Variants in POLR1A observed in about 807,000 individuals in gnomAD.
POLR1A encodes DNA-directed RNA polymerase I subunit RPA1.
POLR1A carries 84 observed loss-of-function variants against 205.3 expected under a neutral mutation model. The ratio of observed to expected loss-of-function variants is 0.41; its 90% CI spans 0.34 to 0.49. POLR1A has a LOEUF of 0.49. Ranked by LOEUF, POLR1A falls within the 20% of genes least tolerant of loss-of-function variation. The pLI is 0.22. For missense variants in POLR1A, 1,645 were observed against 2,204.5 expected (o/e 0.75, Z 5.08); for synonymous variants, 799 against 863.7 (o/e 0.93, Z 1.31).
chr2:86,045,680 A>C lies in POLR1A; in HGVS notation c.2823T>G (p.Tyr941Ter). 1 of 1,613,482 alleles carries C rather than the reference A, an allele frequency of 6.2e-7. No homozygotes were observed. The highest frequency in any genetic ancestry group is 1.1e-5 in the South Asian group (1 of 90,996). ...AGCCACCAGCCCTGGGGGTGAACTCATAAGGCTCAAAGCAGGGCAGTGACT... is the reference window on the plus strand; with the variant it reads ...AGCCACCAGCCCTGGGGGTGAACTCCTAAGGCTCAAAGCAGGGCAGTGACT... Reference protein sequence around the residue: ...SGKSLPCFEPYEFTPRAGGFV... With the variant: ...SGKSLPCFEP The change falls in exon 20 of 34, where the codon TAT becomes TAG. Residue 941 changes from tyrosine to a stop codon, truncating the protein, a stop_gained. Coordinates refer to ENST00000263857, the MANE Select transcript of POLR1A (RefSeq NM_015425.6). LOFTEE classifies it high-confidence loss of function.
rs1250639358 is a variant in POLR1A, at chr2:86,043,342, C to G, written c.3136-147G>C. The G allele has an allele frequency of 1.7e-5, 11 of 659,288 alleles. No individual in the cohort carries two copies. The East Asian group carries it at 2.1e-4, about 12-fold the overall frequency. The allele number at this position is 659,288 out of a possible 1,614,324, so 40.8% of individuals were successfully genotyped here. On this transcript the variant is annotated intron_variant, in intron 22 of 33. Coordinates refer to ENST00000263857, the MANE Select transcript of POLR1A (RefSeq NM_015425.6). ...TCATGATGGGGCCGAGCACCACTCT[C>G]AGAGAGGCTGAGCATCCATTGTTAA... is the stretch of plus-strand genomic sequence containing the variant.
rs1673753663 is a variant in POLR1A, at chr2:86,098,680, G to A, written c.363C>T (p.Leu121=). Residue 121 remains leucine, a synonymous_variant, in exon 3 of 34, where the codon CTC becomes CTT. Coordinates refer to ENST00000263857, the MANE Select transcript of POLR1A (RefSeq NM_015425.6). ...CGACTTCCAGAACCCTCAGCTGGCA[G>A]AGTAAGAGGTGAATCACGGCCCGGG... ...TCPRAVIHLL[L]CQLRVLEVGA... 1 of 1,613,696 alleles carries A rather than the reference G, an allele frequency of 6.2e-7. No individual in the cohort carries two copies. Among genetic ancestry groups the A allele is most frequent in the Non-Finnish European group, 8.5e-7 (1 of 1,179,910 alleles).
At chr2:86,069,981 G>A (rs1350241829) in intron 13 of POLR1A, 37 bp downstream of exon 13, 9 of 1,595,486 alleles carry the variant, frequency 5.6e-6, no homozygotes, top group Non-Finnish European at 7.7e-6. Flanking sequence ...AAGTCATGCT[G>A]ACGATGACCA....
intron 14 of POLR1A, among the ~76,000 whole-genome samples, chr2:86,060,239 C>T (rs1672971161): frequency 6.6e-6 from 1 of 152,094 alleles, no homozygotes; most frequent in South Asian, 2.1e-4. Context: ...CCTAAAGTGA[C>T]CTACAGAGGC....
In POLR1A at chr2:86,068,393, G is replaced by GC. The variant is rs930189935; in HGVS notation, c.1866+1624_1866+1625insG. On this transcript the variant is annotated intron_variant, in intron 13 of 33. Transcript: ENST00000263857. ...CACAGCCAAGCACATGGGCGGGGGG[G>GC]GGGGGCGGGTGTCGTCCAAAGCTGC... is the stretch of plus-strand genomic sequence containing the variant. 1.7e-4 allele frequency among the ~76,000 whole-genome samples: 20 copies of GC among 115,802 alleles called. 2 individuals are homozygous for GC. Among genetic ancestry groups the GC allele is most frequent in the South Asian group, 8.1e-4 (2 of 2,454 alleles). The allele number at this position is 115,802 out of a possible 152,430, so 76.0% of individuals were successfully genotyped here.
chr2:86,047,512 T>C (rs542022116), intron 18 of POLR1A, among the ~76,000 whole-genome samples: 174 of 152,268 alleles, frequency 1.1e-3, no homozygotes, highest in Non-Finnish European at 2.1e-3. Context: ...CGAGGTTTCA[T>C]TCATTGGCCA....
rs115986687 is a variant in POLR1A, at chr2:86,078,919, C to A, written c.1087-635G>T. Among the ~76,000 whole-genome samples the A allele has an allele frequency of 8.7e-3, 1,325 of 152,300 alleles. 20 individuals carry two copies. Among genetic ancestry groups the A allele is most frequent in the African/African-American group, 0.03 (1,250 of 41,566 alleles). On this transcript the variant is annotated intron_variant, in intron 9 of 33. Transcript: ENST00000263857. The stretch of plus-strand genomic sequence containing the variant: ...GTCTCCTCCTCTCTCCCACTCCCTA[C>A]CCAGGGGACAGAAATACACAGAAGC...
intron 24 of POLR1A, among the ~76,000 whole-genome samples, chr2:86,040,933 T>A (rs1385750547): frequency 6.6e-6 from 1 of 152,198 alleles, no homozygotes; most frequent in African/African-American, 2.4e-5. Context: ...TATGACAATT[T>A]GGAGACAGTT....
chr2:86,088,404 G>A (rs1673541485), intron 6 of POLR1A, among the ~76,000 whole-genome samples, 162 bp downstream of exon 6: 1 of 152,318 alleles, frequency 6.6e-6, no homozygotes, highest in Admixed American at 6.5e-5. Context: ...CTGGGCGCTT[G>A]CCAGGGTCCC....
intron 1 of POLR1A, among the ~76,000 whole-genome samples, chr2:86,104,835 G>T (rs1673890471): frequency 6.6e-6 from 1 of 152,224 alleles, no homozygotes; most frequent in Non-Finnish European, 1.5e-5. Context: ...AAGATGTACA[G>T]ACAGCTGAAC....
intron 1 of POLR1A, among the ~76,000 whole-genome samples, chr2:86,104,662 TGGTCTC>T (rs1673886624): frequency 6.6e-6 from 1 of 152,152 alleles, no homozygotes; most frequent in Non-Finnish European, 1.5e-5. Flanking sequence ...TGGCCAGGGA[TGGTCTC>T]GATCTCCCGA....
chr2:86,058,265 T>A (rs1672933432), intron 14 of POLR1A, among the ~76,000 whole-genome samples: 1 of 152,174 alleles, frequency 6.6e-6, no homozygotes, highest in Non-Finnish European at 1.5e-5. Flanking sequence ...CATGCCTGGA[T>A]AATTTTTGTA....
chr2:86,058,953 CAAT>C (rs200645599), intron 14 of POLR1A, among the ~76,000 whole-genome samples: 2,605 of 151,120 alleles, frequency 0.017, 31 homozygotes, highest in Middle Eastern at 0.034. Context: ...ACCAGCTCTA[CAAT>C]AATAATAATA....
Position 86,070,156 on chromosome 2 carries a change from C to T in POLR1A, c.1728G>A (p.Arg576=), listed in dbSNP as rs9679234. The T allele has an allele frequency of 2.7e-3, 4,344 of 1,614,164 alleles. 98 individuals carry two copies. The African/African-American group carries it at 0.049, about 18-fold the overall frequency. Residue 576 remains arginine (R), a synonymous_variant, in exon 13 of 34, where the codon CGG becomes CGA. Transcript: ENST00000263857. This position sits in a 1 kb window ranked among gnomAD's most constrained non-coding sequence, Gnocchi z 4.4. The part of the protein sequence containing the change: ...ARILPEEKVL[R]LHYANCKAYN... The stretch of plus-strand genomic sequence containing the variant: ...AGGCCTTGCAGTTGGCATAGTGGAG[C>T]CGCAGCACTTTCTCTTCAGGCAGGA...
At chr2:86,054,333 A>G in intron 14 of POLR1A, 44 bp from the exon 15 acceptor site, 1 of 1,601,592 alleles carries the variant, frequency 6.2e-7, no homozygotes, top group Non-Finnish European at 8.5e-7. Context: ...AAGAAAAGTG[A>G]TGGCAAAATG....
intron 26 of POLR1A, 54 bp from the exon 27 acceptor site, chr2:86,038,911 G>C: frequency 6.5e-7 from 1 of 1,543,026 alleles, no homozygotes. Flanking sequence ...AGGTGACTGC[G>C]CAATGTGAGT....
chr2:86,084,655 T>C (rs1331940524), intron 6 of POLR1A, among the ~76,000 whole-genome samples: 2 of 149,910 alleles, frequency 1.3e-5, no homozygotes, highest in African/African-American at 4.9e-5. Context: ...AACACCACTC[T>C]TGCCTTTTCC....
chr2:86,049,898 T>TG (rs1672772299), intron 16 of POLR1A, among the ~76,000 whole-genome samples: 1 of 152,024 alleles, frequency 6.6e-6, no homozygotes, highest in Non-Finnish European at 1.5e-5. Context: ...CATCAACTCT[T>TG]GATCAAACTA....
At position 86,029,813 on chromosome 2, in the gene POLR1A, G is replaced by A. The variant is rs557541323; in HGVS notation, c.4779+383C>T. Reference sequence around the variant, plus strand: ...GAAGGGGTTTCACCGTGTTAGCCAGGATGGTCTTGATCTCCTGACCTCGTG... The same window carrying A: ...GAAGGGGTTTCACCGTGTTAGCCAGAATGGTCTTGATCTCCTGACCTCGTG... On this transcript the variant is annotated intron_variant, in intron 31 of 33. Transcript: ENST00000263857. 7.2e-5 allele frequency among the ~76,000 whole-genome samples: 11 copies of A among 152,038 alleles called. No individual in the cohort carries two copies. The South Asian group carries it at 1.9e-3, about 26-fold the overall frequency.
Sources: allele counts gnomAD v4.1 joint callset (sites outside exome capture counted in the v4.1 genomes callset), GRCh38; gene constraint gnomAD v4.1.1; non-coding constraint Gnocchi (gnomAD v3.1); transcripts MANE v1.5; gene names NCBI Gene and HGNC (gene_info 2026-07-23, HGNC 2026-07-21).